DPF3: variants seen among roughly 807,000 people sequenced by gnomAD.
DPF3 encodes double PHD fingers 3.
DPF3 carries 18 observed loss-of-function variants against 56.8 expected under a neutral mutation model. That is an observed-to-expected ratio of 0.32 (90% CI 0.22 to 0.47). The LOEUF (loss-of-function observed/expected upper bound fraction) is 0.47, where lower values mean the gene tolerates loss of function less well. Ranked by LOEUF, DPF3 falls within the 20% of genes least tolerant of loss-of-function variation. The pLI, the probability that DPF3 is intolerant of heterozygous loss-of-function variation, is 1.00. For synonymous variants in DPF3, 188 were observed against 180.2 expected (o/e 1.04, Z -0.35); for missense variants, 403 against 488.8 (o/e 0.82, Z 1.65).
chr14:72,674,065 G>T (rs1042631391), intron 8 of DPF3, 175 bp downstream of exon 8: 6 of 988,430 alleles, frequency 6.1e-6, no homozygotes, highest in African/African-American at 1.6e-5. Flanking sequence ...CATAACTTTT[G>T]GTTCTTGAGA....
At chr14:72,799,228 T>G (rs933897152) in intron 1 of DPF3, among the ~76,000 whole-genome samples, 1 of 152,186 alleles carries the variant, frequency 6.6e-6, no homozygotes, top group African/African-American at 2.4e-5. Flanking sequence ...GTTGTCTGCC[T>G]GCCCAGATAC....
In DPF3 at chr14:72,659,004, G is replaced by GA. The variant is rs60858681; in HGVS notation, c.871+15235dup. On this transcript the variant is annotated intron_variant, in intron 8 of 10. Coordinates refer to ENST00000556509, the MANE Select transcript of DPF3 (RefSeq NM_001280542.3). Reference sequence around the variant, plus strand: ...AAATGTTTGAATTGTGACCTCCCTTGAAAAAAAAAAAGATCTGGGAACCCT... The same window carrying GA: ...AAATGTTTGAATTGTGACCTCCCTTGAAAAAAAAAAAAGATCTGGGAACCCT... 2.8e-3 allele frequency among the ~76,000 whole-genome samples: 409 copies of GA among 146,342 alleles called. 2 individuals carry two copies. Among genetic ancestry groups the GA allele is most frequent in the Non-Finnish European group, 4.7e-3 (312 of 66,026 alleles).
At chr14:72,824,644 T>G (rs891350277) in intron 1 of DPF3, among the ~76,000 whole-genome samples, 1 of 151,818 alleles carries the variant, frequency 6.6e-6, no homozygotes, top group Non-Finnish European at 1.5e-5. Flanking sequence ...CTTGGCTCAC[T>G]GCAACCTCTG....
At chr14:72,749,902 G>A (rs1890495517) in intron 3 of DPF3, among the ~76,000 whole-genome samples, 3 of 151,794 alleles carry the variant, frequency 2.0e-5, no homozygotes, top group South Asian at 2.1e-4. Flanking sequence ...GAGAGGTAAA[G>A]AGAGACATGT....
chr14:72,762,987 T>C (rs190756117), intron 2 of DPF3, among the ~76,000 whole-genome samples: 98 of 152,030 alleles, frequency 6.4e-4, no homozygotes, highest in Admixed American at 2.8e-3. Context: ...AATTAAAATG[T>C]ATAAAAATTT....
intron 1 of DPF3, among the ~76,000 whole-genome samples, chr14:72,808,914 G>A (rs759498585): frequency 2.8e-4 from 43 of 152,164 alleles, no homozygotes; most frequent in Admixed American, 2.2e-3. Flanking sequence ...CCTGCTGTGC[G>A]AACCCAGGCA....
At chr14:72,669,348 G>A (rs1327616316) in intron 8 of DPF3, among the ~76,000 whole-genome samples, 1 of 152,178 alleles carries the variant, frequency 6.6e-6, no homozygotes, top group African/African-American at 2.4e-5. Context: ...AAATGGTTCT[G>A]CCTGTGTTTC....
intron 6 of DPF3, among the ~76,000 whole-genome samples, chr14:72,702,703 G>T (rs758707049): frequency 6.6e-6 from 1 of 152,180 alleles, no homozygotes; most frequent in African/African-American, 2.4e-5. Context: ...ACTGAGAAAA[G>T]CCCTGTGTGA....
chr14:72,650,940 A>C (rs1262934103), intron 8 of DPF3, among the ~76,000 whole-genome samples: 1 of 152,184 alleles, frequency 6.6e-6, no homozygotes, highest in Non-Finnish European at 1.5e-5. Flanking sequence ...TCCCCAGTTA[A>C]AATGCAAACA....
At chr14:72,843,386 G>A (rs1034417779) in intron 1 of DPF3, among the ~76,000 whole-genome samples, 4 of 152,134 alleles carry the variant, frequency 2.6e-5, no homozygotes, top group East Asian at 3.8e-4. Flanking sequence ...GGAAAAAGGC[G>A]TAGTTAATTT....
chr14:72,661,896 GCT>G, intron 8 of DPF3: 2 of 934,704 alleles, frequency 2.1e-6, no homozygotes, highest in Non-Finnish European at 2.5e-6. Flanking sequence ...TTTAAACAAA[GCT>G]CTCTGTGTTC....
chr14:72,795,293 AAAAT>A (rs1377716439), intron 1 of DPF3, among the ~76,000 whole-genome samples: 338 of 107,980 alleles, frequency 3.1e-3, no homozygotes, highest in African/African-American at 4.8e-3. Flanking sequence ...AAAAAAAAAA[AAAAT>A]ATATATATAT....
intron 6 of DPF3, among the ~76,000 whole-genome samples, chr14:72,698,412 C>T (rs765660223): frequency 1.3e-5 from 2 of 152,242 alleles, no homozygotes; most frequent in Non-Finnish European, 2.9e-5. Flanking sequence ...GGCATGGTGG[C>T]TTACACCTCT....
At chr14:72,821,895 C>T (rs1051998710) in intron 1 of DPF3, among the ~76,000 whole-genome samples, 2 of 151,872 alleles carry the variant, frequency 1.3e-5, no homozygotes, top group Non-Finnish European at 2.9e-5. Context: ...GTAGTCCTAG[C>T]TACTCAGAAG....
At chr14:72,877,284 G>C (rs1177084010) in intron 1 of DPF3, among the ~76,000 whole-genome samples, 1 of 152,154 alleles carries the variant, frequency 6.6e-6, no homozygotes, top group Non-Finnish European at 1.5e-5. Flanking sequence ...GGCTGTCCAG[G>C]GCTGCCGGCT....
chr14:72,620,188 A>G (rs749126362), intron 9 of DPF3, among the ~76,000 whole-genome samples: 1 of 152,026 alleles, frequency 6.6e-6, no homozygotes, highest in Non-Finnish European at 1.5e-5. Context: ...CCCAGCCTAT[A>G]TAAATCCTAC....
intron 1 of DPF3, among the ~76,000 whole-genome samples, chr14:72,781,408 C>T (rs1033770004): frequency 6.6e-6 from 1 of 152,116 alleles, no homozygotes; most frequent in Non-Finnish European, 1.5e-5. Context: ...AAGTTATGTC[C>T]GACAAACAGC....
intron 1 of DPF3, among the ~76,000 whole-genome samples, chr14:72,797,499 G>A (rs766419342): frequency 1.3e-5 from 2 of 152,106 alleles, no homozygotes; most frequent in South Asian, 2.1e-4. Flanking sequence ...CACAGTAAAC[G>A]CTTCATGAAT....
chr14:72,823,281 T>A (rs1180791682), intron 1 of DPF3, among the ~76,000 whole-genome samples: 2 of 152,338 alleles, frequency 1.3e-5, no homozygotes, highest in East Asian at 3.9e-4. Flanking sequence ...ACATGGAATC[T>A]AGGTCTCCCT....
Sources: allele counts gnomAD v4.1 joint callset (sites outside exome capture counted in the v4.1 genomes callset), GRCh38; gene constraint gnomAD v4.1.1; transcripts MANE v1.5; gene names NCBI Gene and HGNC (gene_info 2026-07-23, HGNC 2026-07-21).